Variants in ARHGEF18 observed in about 807,000 individuals in gnomAD.
The protein encoded by ARHGEF18 is Rho/Rac guanine nucleotide exchange factor 18, also known as rho guanine nucleotide exchange factor 18.
Under a neutral mutation model 155.7 loss-of-function variants are expected in ARHGEF18, and 93 were observed. The observed-to-expected ratio is 0.60, with a 90% confidence interval of 0.50 to 0.71. The LOEUF is 0.71. Among genes scored for constraint, ARHGEF18 ranks in the 30% least tolerant of loss-of-function variants. The pLI, the probability that ARHGEF18 is intolerant of heterozygous loss-of-function variation, is 0.00. For synonymous variants in ARHGEF18, 742 were observed against 753.1 expected (o/e 0.99, Z 0.24); for missense variants, 1,593 against 1,816.1 (o/e 0.88, Z 2.23).
rs1430508019 is a variant in ARHGEF18, at chr19:7,376,657, C to A, written c.441C>A (p.Pro147=). 5 of 1,234,202 alleles carry A rather than the reference C, an allele frequency of 4.1e-6. No homozygotes were observed. In the African/African-American group the frequency reaches 6.2e-5, roughly 15 times the overall value. 76.5% of individuals were successfully genotyped at this position (1,234,202 alleles called of 1,614,324 possible). A position where few individuals can be genotyped will look rare whatever the true frequency, so the allele number is the denominator to read the frequency against. Residue 147 remains proline, a synonymous_variant, in exon 5 of 29, where the codon CCC becomes CCA. Transcript: ENST00000668164. ...AESPGKECDS[P]KKRGRSRSVP... ...ATCCCCTGCAGGAATGTGACAGCCC[C>A]AAGAAAAGAGGGAGGTCAAGGTCCG...
intron 10 of ARHGEF18, among the ~76,000 whole-genome samples, chr19:7,432,745 T>C (rs1350323563): frequency 6.6e-6 from 1 of 152,234 alleles, no homozygotes; most frequent in Non-Finnish European, 1.5e-5. Flanking sequence ...TGAGAGGCTA[T>C]ATAGGAATCT....
chr19:7,454,025 G>A (rs1447056539), intron 17 of ARHGEF18, among the ~76,000 whole-genome samples: 2 of 149,506 alleles, frequency 1.3e-5, no homozygotes, highest in African/African-American at 4.9e-5. Context: ...AGTTGTGGGT[G>A]CCCTCTTAGA....
chr19:7,389,226 C>T (rs1279180984), intron 10 of ARHGEF18, among the ~76,000 whole-genome samples: 2 of 149,448 alleles, frequency 1.3e-5, no homozygotes, highest in African/African-American at 4.9e-5. Context: ...TCTTGGTTCA[C>T]TACAACCTCT....
At chr19:7,438,258 T>C (rs1419144938) in intron 10 of ARHGEF18, among the ~76,000 whole-genome samples, 1 of 150,746 alleles carries the variant, frequency 6.6e-6, no homozygotes, top group African/African-American at 2.4e-5. Context: ...GCGCCACTTG[T>C]GCTCAGCTAT....
At position 7,385,963 on chromosome 19, in the gene ARHGEF18, CCCCTCTCTCCCTCT is replaced by C. The variant is rs1971042637; in HGVS notation, c.967+2762_967+2775del. 3.9e-5 allele frequency among the ~76,000 whole-genome samples: 3 copies of C among 76,424 alleles called. No homozygotes were observed. In the East Asian group the frequency reaches 1.4e-3, roughly 35 times the overall value. 50.1% of individuals were successfully genotyped at this position (76,424 alleles called of 152,430 possible). A position where few individuals can be genotyped will look rare whatever the true frequency, so the allele number is the denominator to read the frequency against. On this transcript the variant is annotated intron_variant, in intron 10 of 28. Coordinates refer to ENST00000668164, the MANE Select transcript of ARHGEF18 (RefSeq NM_001367823.1). ...CCCTCTCCCTCTCTCTCTCTCCCTC[CCCCTCTCTCCCTCT>C]CTCCCTCTCTCTCTCTCTCCCTCTC...
rs1976996723 is a variant in ARHGEF18 at position 7,471,119 on chromosome 19, C to G, written c.*821C>G. 1 of 292,442 alleles carries G rather than the reference C, an allele frequency of 3.4e-6. No homozygotes were observed. The highest frequency in any genetic ancestry group is 6.3e-6 in the Non-Finnish European group (1 of 159,128). 18.1% of individuals were successfully genotyped at this position (292,442 alleles called of 1,614,324 possible). A position where few individuals can be genotyped will look rare whatever the true frequency, so the allele number is the denominator to read the frequency against. ...GGGGGAGCGGGCCTCTAGCTTCAGC[C>G]AGGGCGGGTACACACCCTGGGCACA... On this transcript the variant is annotated 3_prime_UTR_variant, in exon 29 of 29. Transcript: ENST00000668164. The surrounding 1 kb of genome is among the most constrained non-coding windows in gnomAD (Gnocchi z 4.4).
Position 7,379,296 on chromosome 19 carries a change from C to T in ARHGEF18, c.644+130C>T, listed in dbSNP as rs985066590. On this transcript the variant is annotated intron_variant, in intron 7 of 28. Transcript: ENST00000668164. Reference sequence around the variant, plus strand: ...GGTGAGGGCTGGGTACAGTGGCTCACGCCTGTAATCCCAGCACTTTGGGAG... The same window carrying T: ...GGTGAGGGCTGGGTACAGTGGCTCATGCCTGTAATCCCAGCACTTTGGGAG... The T allele has an allele frequency of 4.9e-5, 39 of 799,610 alleles. No individual in the cohort carries two copies. In the South Asian group the frequency reaches 6.9e-4, roughly 14 times the overall value. 49.5% of individuals were successfully genotyped at this position (799,610 alleles called of 1,614,324 possible).
chr19:7,452,285 G>A (rs545075907), intron 16 of ARHGEF18, among the ~76,000 whole-genome samples: 129 of 152,260 alleles, frequency 8.5e-4, no homozygotes, highest in South Asian at 8.3e-3. Context: ...AGAGAAGGGC[G>A]GGCAGTCCAG....
intron 10 of ARHGEF18, among the ~76,000 whole-genome samples, chr19:7,414,981 T>TA (rs1169960729): frequency 6.6e-6 from 1 of 151,712 alleles, no homozygotes. Context: ...GGCCACAGAG[T>TA]AAAATTCCAT....
chr19:7,371,036 A>G (rs1297268031), intron 2 of ARHGEF18, among the ~76,000 whole-genome samples: 1 of 151,816 alleles, frequency 6.6e-6, no homozygotes, highest in African/African-American at 2.4e-5. Context: ...TCAGCCTCCC[A>G]TGTAGCTGGG....
chr19:7,454,549 C>A (rs1343353746), intron 17 of ARHGEF18, among the ~76,000 whole-genome samples: 1 of 152,058 alleles, frequency 6.6e-6, no homozygotes, highest in Non-Finnish European at 1.5e-5. Flanking sequence ...CAGTGGGCAC[C>A]ATCTTGGTTT....
intron 10 of ARHGEF18, among the ~76,000 whole-genome samples, chr19:7,403,736 C>T (rs1600312219): frequency 2.0e-5 from 3 of 151,990 alleles, no homozygotes; most frequent in South Asian, 2.1e-4. Flanking sequence ...GAAGCCTCGC[C>T]GTGTTGCCCA....
chr19:7,363,047 T>C (rs1969696960), intron 2 of ARHGEF18, 142 bp downstream of exon 2: 1 of 1,040,228 alleles, frequency 9.6e-7, no homozygotes, highest in Non-Finnish European at 1.2e-6. Flanking sequence ...AGTCATTTAT[T>C]ATCCTGTTTT....
At chr19:7,477,252 T>C (rs1259831600), downstream of ARHGEF18, 11 of 1,577,716 alleles carry the variant, frequency 7.0e-6, no homozygotes, top group Admixed American at 1.9e-5. Context: ...GCCTGGTACA[T>C]GCTGAGGATT....
intron 10 of ARHGEF18, among the ~76,000 whole-genome samples, chr19:7,394,139 C>T (rs1318455609): frequency 6.6e-6 from 1 of 151,574 alleles, no homozygotes; most frequent in Non-Finnish European, 1.5e-5. Context: ...CCACCTCAGC[C>T]TCTGGAGGCA....
At chr19:7,432,600 C>G (rs1974028074) in intron 10 of ARHGEF18, among the ~76,000 whole-genome samples, 1 of 152,164 alleles carries the variant, frequency 6.6e-6, no homozygotes, top group African/African-American at 2.4e-5. Flanking sequence ...CTCAGCCTCC[C>G]AAAGTACTCA....
chr19:7,421,922 C>T (rs1177471799), intron 10 of ARHGEF18, among the ~76,000 whole-genome samples: 4 of 152,110 alleles, frequency 2.6e-5, no homozygotes, highest in Admixed American at 6.6e-5. Context: ...TCCCCTTCTC[C>T]CTTCCTTCTT....
intron 10 of ARHGEF18, among the ~76,000 whole-genome samples, chr19:7,409,601 T>A (rs1245591012): frequency 6.8e-6 from 1 of 148,072 alleles, no homozygotes; most frequent in Non-Finnish European, 1.5e-5. Flanking sequence ...CTAATTTTTG[T>A]ATTTTTGTAT....
At chr19:7,356,432 C>T (rs1184365537) in intron 1 of ARHGEF18, among the ~76,000 whole-genome samples, 1 of 151,964 alleles carries the variant, frequency 6.6e-6, no homozygotes, top group Non-Finnish European at 1.5e-5. Context: ...CCCCACCACA[C>T]CTGGCTAATT....
Sources: allele counts gnomAD v4.1 joint callset (sites outside exome capture counted in the v4.1 genomes callset), GRCh38; gene constraint gnomAD v4.1.1; non-coding constraint Gnocchi (gnomAD v3.1); transcripts MANE v1.5; gene names NCBI Gene and HGNC (gene_info 2026-07-23, HGNC 2026-07-21).